PAK3: variants seen among roughly 807,000 people sequenced by gnomAD.
The protein encoded by PAK3 is serine/threonine-protein kinase PAK 3.
Under a neutral mutation model 41.0 loss-of-function variants are expected in PAK3, and 4 were observed. The ratio of observed to expected loss-of-function variants is 0.10; its 90% CI spans 0.05 to 0.22. The LOEUF is 0.22. Ranked by LOEUF, PAK3 falls within the 10% of genes least tolerant of loss-of-function variation. PAK3 has a pLI of 1.00. For synonymous variants in PAK3, 146 were observed against 139.6 expected (o/e 1.05, Z -0.32); for missense variants, 205 against 409.9 (o/e 0.50, Z 4.32).
rs142795362 is a variant in PAK3, at chrX:111,184,505, C to T, written c.831-7622C>T. Among the ~76,000 whole-genome samples the T allele has an allele frequency of 4.1e-3, 452 of 109,649 alleles. 5 individuals are homozygous for T. The highest frequency in any genetic ancestry group is 0.014 in the African/African-American group (413 of 30,080). Reference sequence around the variant, plus strand: ...CATGGTGGTTTGCTGCACCCATCAACCCATCATCTACGTTAGGTATTTGTC... The same window carrying T: ...CATGGTGGTTTGCTGCACCCATCAATCCATCATCTACGTTAGGTATTTGTC... On this transcript the variant is annotated intron_variant, in intron 11 of 17. Transcript: ENST00000372007.
At chrX:111,145,990 G>A (rs923633480) in intron 6 of PAK3, among the ~76,000 whole-genome samples, 6 of 111,705 alleles carry the variant, frequency 5.4e-5, no homozygotes, top group Non-Finnish European at 9.4e-5. Flanking sequence ...TCACATCAAT[G>A]AGAATAAAAT....
chrX:111,188,608 T>C (rs2094534021), intron 11 of PAK3, among the ~76,000 whole-genome samples: 1 of 111,933 alleles, frequency 8.9e-6, no homozygotes, highest in Admixed American at 9.5e-5. Flanking sequence ...AAGGATGCTT[T>C]GGCTGGGAGG....
rs201611795 is a variant in PAK3 at position 111,165,839 on chromosome X, T to TC, written c.766+2113dup. ...CAAGCATTATTTTCTTGGACCAAAA[T>TC]CTTGTTTTGCTTGTAAACTCTAGTG... On this transcript the variant is annotated intron_variant, in intron 10 of 17. Coordinates refer to ENST00000372007, the MANE Select transcript of PAK3 (RefSeq NM_002578.5). 8.1e-3 allele frequency among the ~76,000 whole-genome samples: 905 copies of TC among 112,264 alleles called. 9 individuals are homozygous for TC. Among genetic ancestry groups the TC allele is most frequent in the African/African-American group, 0.027 (843 of 30,956 alleles).
chrX:110,949,495 T>A (rs1053028428), intron 1 of PAK3, among the ~76,000 whole-genome samples: 2 of 111,800 alleles, frequency 1.8e-5, no homozygotes, highest in Non-Finnish European at 3.8e-5. Context: ...AGAAGGCCTC[T>A]CATCCATGGA....
At position 111,138,588 on chromosome X, in the gene PAK3, T is replaced by C. The variant is rs1023583081; in HGVS notation, c.176-3508T>C. ...TAAGAGTAAGGACTAATAGGAGTGA[T>C]CCCCATAAATTTGGGGGAGAGGGTA... is the stretch of plus-strand genomic sequence containing the variant. On this transcript the variant is annotated intron_variant, in intron 5 of 17. Coordinates refer to ENST00000372007, the MANE Select transcript of PAK3 (RefSeq NM_002578.5). Among the ~76,000 whole-genome samples, 14 of 110,662 alleles carry C rather than the reference T, an allele frequency of 1.3e-4. 1 individual carries two copies. Among genetic ancestry groups the C allele is most frequent in the African/African-American group, 4.6e-4 (14 of 30,388 alleles).
intron 10 of PAK3, among the ~76,000 whole-genome samples, chrX:111,166,773 G>T (rs888914032): frequency 8.9e-6 from 1 of 111,853 alleles, no homozygotes; most frequent in African/African-American, 3.3e-5. Flanking sequence ...AAAAAGTGGG[G>T]ATAATGATAA....
chrX:111,033,981 C>G (rs773152878), intron 1 of PAK3, among the ~76,000 whole-genome samples: 1 of 111,776 alleles, frequency 8.9e-6, no homozygotes, highest in East Asian at 2.8e-4. Context: ...TGCCATCACT[C>G]CAGCAAAACT....
intron 5 of PAK3, among the ~76,000 whole-genome samples, chrX:111,132,822 G>A (rs146787067): frequency 1.1e-3 from 125 of 111,729 alleles, no homozygotes; most frequent in African/African-American, 3.9e-3. Flanking sequence ...TGATTATTGT[G>A]AGGGATACTA....
intron 1 of PAK3, among the ~76,000 whole-genome samples, chrX:110,994,505 T>G (rs1463608228): frequency 5.4e-5 from 6 of 111,358 alleles, no homozygotes; most frequent in Non-Finnish European, 7.5e-5. Flanking sequence ...AGAACTGCCT[T>G]GCCATTGGGC....
intron 1 of PAK3, among the ~76,000 whole-genome samples, chrX:111,024,241 C>T (rs1205123717): frequency 1.8e-5 from 2 of 111,388 alleles, no homozygotes; most frequent in African/African-American, 6.5e-5. Context: ...CTGTTCTGTT[C>T]CATTTGTCTA....
chrX:110,960,706 T>A (rs1233985960), intron 1 of PAK3, among the ~76,000 whole-genome samples: 1 of 111,506 alleles, frequency 9.0e-6, no homozygotes, highest in Non-Finnish European at 1.9e-5. Context: ...ATATCAGTTA[T>A]CTCCACTCAC....
At chrX:111,167,147 G>A (rs1327379223) in intron 10 of PAK3, among the ~76,000 whole-genome samples, 2 of 111,482 alleles carry the variant, frequency 1.8e-5, no homozygotes, top group African/African-American at 6.5e-5. Flanking sequence ...GCATAAAAAT[G>A]GGGGTTTGGG....
intron 1 of PAK3, among the ~76,000 whole-genome samples, chrX:111,010,410 T>C (rs1277474006): frequency 9.0e-6 from 1 of 111,555 alleles, no homozygotes; most frequent in East Asian, 2.8e-4. Flanking sequence ...TTGTGTGAAC[T>C]CTTAAGTGCT....
rs185290868 is a variant in PAK3, at chrX:110,970,691, C to T, written c.-28+26063C>T. On this transcript the variant is annotated intron_variant, in intron 1 of 14. Coordinates refer to the PAK3 transcript ENST00000425146. ...TGACAGTTTGAAAGGTGCAGCAAAC[C>T]ACCATGGCACATGTATACTTATGTA... 3.2e-3 allele frequency among the ~76,000 whole-genome samples: 360 copies of T among 111,461 alleles called. 1 individual carries two copies. The highest frequency in any genetic ancestry group is 4.5e-3 in the Non-Finnish European group (240 of 53,071).
intron 16 of PAK3, among the ~76,000 whole-genome samples, chrX:111,215,394 A>G (rs1485900315): frequency 9.0e-6 from 1 of 111,005 alleles, no homozygotes; most frequent in African/African-American, 3.3e-5. Context: ...CCCCATCTCT[A>G]CTAACATGGT....
upstream of PAK3, among the ~76,000 whole-genome samples, chrX:111,091,279 C>T (rs1438379200): frequency 1.8e-5 from 2 of 111,371 alleles, no homozygotes; most frequent in Non-Finnish European, 3.8e-5. Context: ...AGGAGAAATC[C>T]TTCATTCCCA....
chrX:111,036,278 G>A (rs1434339859), intron 1 of PAK3, among the ~76,000 whole-genome samples: 1 of 112,695 alleles, frequency 8.9e-6, no homozygotes, highest in African/African-American at 3.2e-5. Flanking sequence ...ACACCATTAT[G>A]TGAGAAATGG....
chrX:111,148,925 G>T (rs147215830), intron 7 of PAK3, among the ~76,000 whole-genome samples: 17,042 of 110,473 alleles, frequency 0.15, 2,787 homozygotes, highest in African/African-American at 0.49. Flanking sequence ...CATTTCAGCA[G>T]TAACTCAAAA....
At chrX:111,100,700 G>A (rs763755369) in intron 3 of PAK3, among the ~76,000 whole-genome samples, 4 of 112,015 alleles carry the variant, frequency 3.6e-5, no homozygotes, top group African/African-American at 1.3e-4. Context: ...CTCTGTGGTA[G>A]ACAGAGTAGT....
Sources: gnomAD v4.1 joint callset for allele counts (sites outside exome capture counted in the v4.1 genomes callset) on GRCh38, gnomAD v4.1.1 for gene constraint, MANE v1.5 for transcripts, NCBI Gene and HGNC (gene_info 2026-07-23, HGNC 2026-07-21) for gene names.